Variants in BBS2 observed in about 807,000 individuals in gnomAD.
The protein encoded by BBS2 is BBSome complex member BBS2.
In BBS2, 62 loss-of-function variants were observed where a neutral mutation model predicts 83.0. That is an observed-to-expected ratio of 0.75 (90% confidence interval 0.61 to 0.92). The LOEUF is 0.92. BBS2 is among the 40% of genes least tolerant of loss of function. The probability of loss-of-function intolerance (pLI) is 0.00; values close to 1 mark genes in which losing one functional copy is unlikely to be tolerated. For synonymous variants in BBS2, 303 were observed against 326.1 expected, an observed-to-expected ratio of 0.93 and a Z score of 0.76; for missense variants, 784 against 901.0, an observed-to-expected ratio of 0.87 and a Z score of 1.66.
At chr16:56,470,609 TG>T in exon 18 of BBS2, 1 of 1,614,190 alleles carries the variant, frequency 6.2e-7, no homozygotes, top group Non-Finnish European at 8.5e-7. Flanking sequence ...CTTCATTTCT[TG>T]GCCCCTTCGG....
chr16:56,501,888 C>T (rs1597016167), intron 9 of BBS2: 2 of 356,758 alleles, frequency 5.6e-6, no homozygotes, highest in East Asian at 6.9e-5. Context: ...TTACAGTTGT[C>T]TGTTTTTAAC....
At chr16:56,472,613 C>T (rs374184235) in intron 17 of BBS2, among the ~76,000 whole-genome samples, 5 of 151,982 alleles carry the variant, frequency 3.3e-5, no homozygotes, top group South Asian at 2.1e-4. Context: ...AATAAAAATA[C>T]GTCAATTTCA....
rs1469308016 is a variant in BBS2, at chr16:56,488,134, C to T, written c.1911-2396G>A. The stretch of plus-strand genomic sequence containing the variant: ...GGGAAAAAAACAAACTGTTCCTCCT[C>T]TGCTCCCACACCACAACAATCAACA... On this transcript the variant is annotated intron_variant, in intron 15 of 16. Transcript: ENST00000245157. Among the ~76,000 whole-genome samples, 4 of 152,334 alleles carry T rather than the reference C, an allele frequency of 2.6e-5. No homozygotes were observed. In the East Asian group the frequency reaches 7.7e-4, roughly 29 times the overall value.
intron 14 of BBS2, 46 bp from the exon 15 acceptor site, chr16:56,497,125 C>A: frequency 8.1e-7 from 1 of 1,229,788 alleles, no homozygotes; most frequent in Admixed American, 1.7e-5. Context: ...TCACAAACTT[C>A]TTGAACCCAG....
intron 15 of BBS2, among the ~76,000 whole-genome samples, chr16:56,493,964 C>T (rs1373919908): frequency 6.6e-6 from 1 of 151,658 alleles, no homozygotes; most frequent in Non-Finnish European, 1.5e-5. Context: ...CCATGATATT[C>T]CCCCACTTTT....
rs186281411 is a variant in BBS2, at chr16:56,475,604, T to C, written c.*1-4909A>G. The stretch of plus-strand genomic sequence containing the variant: ...GATAGCAAACTATCATTTTTAGTTA[T>C]TGAGAATGCTTTCATTTTTCAAAGA... On this transcript the variant is annotated intron_variant, in intron 17 of 17. Coordinates refer to the BBS2 transcript ENST00000682047. 429 of 1,576,306 alleles carry C rather than the reference T, an allele frequency of 2.7e-4. 3 individuals carry two copies. In the African/African-American group the frequency reaches 4.7e-3, roughly 17 times the overall value.
At chr16:56,511,415 C>T (rs1964573535) in intron 2 of BBS2, 131 bp from the exon 3 acceptor site, 1 of 1,263,044 alleles carries the variant, frequency 7.9e-7, no homozygotes, top group South Asian at 1.2e-5. Flanking sequence ...GTGGGTGGGC[C>T]TCACACATTA....
chr16:56,485,315 T>C (rs1963744871), intron 16 of BBS2, among the ~76,000 whole-genome samples: 1 of 152,200 alleles, frequency 6.6e-6, no homozygotes, highest in South Asian at 2.1e-4. Flanking sequence ...TATGTTTATA[T>C]ATTTCCTTTG....
chr16:56,513,284 A>G (rs1964629948), intron 2 of BBS2, among the ~76,000 whole-genome samples: 1 of 152,268 alleles, frequency 6.6e-6, no homozygotes, highest in Non-Finnish European at 1.5e-5. Flanking sequence ...TGGAAATAAC[A>G]TAAATGTTCA....
chr16:56,470,735 G>A, intron 17 of BBS2: 2 of 1,613,680 alleles, frequency 1.2e-6, no homozygotes, highest in Non-Finnish European at 1.7e-6. Context: ...AGCAACAACA[G>A]CCAACAGAGC....
intron 7 of BBS2, 114 bp from the exon 8 acceptor site, chr16:56,502,922 T>G: frequency 7.6e-7 from 1 of 1,320,370 alleles, no homozygotes; most frequent in South Asian, 1.3e-5. Flanking sequence ...TTCAAGAGTA[T>G]TCTATGAAGC....
At chr16:56,482,402 G>A (rs1337445929), downstream of BBS2, among the ~76,000 whole-genome samples, 1 of 152,032 alleles carries the variant, frequency 6.6e-6, no homozygotes, top group Non-Finnish European at 1.5e-5. Flanking sequence ...GTCTCCCTCT[G>A]TCACCCAGGC....
intron 9 of BBS2, chr16:56,501,698 T>C: frequency 1.5e-6 from 1 of 680,068 alleles, no homozygotes; most frequent in Non-Finnish European, 2.5e-6. Context: ...AAAATACCCT[T>C]GCATCTTTCT....
At chr16:56,470,447 C>A in exon 18 of BBS2, 2 of 1,537,814 alleles carry the variant, frequency 1.3e-6, no homozygotes, top group East Asian at 2.2e-5. Flanking sequence ...CATTTTACAT[C>A]TGTGGCTTTG....
chr16:56,499,773 C>G lies in BBS2; in HGVS notation c.1527+5G>C, dbSNP rs769041685. On this transcript the variant is annotated splice_donor_5th_base_variant and intron_variant, in intron 12 of 16. Transcript: ENST00000245157. ...AGCATTGAAAGAGAAAAGCGAGATA[C>G]TCACCCTCTGTGCCCGTTCTGCAAT... The G allele has an allele frequency of 5.0e-5, 81 of 1,614,050 alleles. No individual in the cohort carries two copies. The highest frequency in any genetic ancestry group is 1.7e-4 in the Admixed American group (10 of 60,022).
At chr16:56,512,737 T>C (rs1213210774) in intron 2 of BBS2, among the ~76,000 whole-genome samples, 1 of 152,120 alleles carries the variant, frequency 6.6e-6, no homozygotes, top group Non-Finnish European at 1.5e-5. Context: ...TTTTCTGAGG[T>C]GATGAAAATG....
intron 3 of BBS2, 63 bp from the exon 4 acceptor site, chr16:56,510,984 G>C: frequency 6.3e-7 from 1 of 1,587,698 alleles, no homozygotes; most frequent in South Asian, 1.1e-5. Context: ...AAATATATTA[G>C]CTACATGAAG....
intron 1 of BBS2, among the ~76,000 whole-genome samples, chr16:56,519,330 CAAA>C (rs35141671): frequency 7.2e-5 from 4 of 55,722 alleles, no homozygotes; most frequent in African/African-American, 5.8e-5. Context: ...GACTCCGTCT[CAAA>C]AAAAAAAAAA....
intron 15 of BBS2, among the ~76,000 whole-genome samples, chr16:56,493,880 A>C (rs1393454021): frequency 6.6e-6 from 1 of 152,236 alleles, no homozygotes; most frequent in Non-Finnish European, 1.5e-5. Flanking sequence ...GTTGATAACA[A>C]CTTGGCTAAT....
Sources: allele counts gnomAD v4.1 joint callset (sites outside exome capture counted in the v4.1 genomes callset), GRCh38; gene constraint gnomAD v4.1.1; transcripts MANE v1.5; gene names NCBI Gene and HGNC (gene_info 2026-07-23, HGNC 2026-07-21).